RWDD3: variants seen among roughly 807,000 people sequenced by gnomAD.
RWDD3 encodes RWD domain containing 3, also known as RWD domain-containing protein 3.
RWDD3 carries 30 observed loss-of-function variants against 26.5 expected under a neutral mutation model. The observed-to-expected ratio is 1.13, with a 90% CI of 0.85 to 1.54. The LOEUF (loss-of-function observed/expected upper bound fraction) is 1.54, where lower values mean the gene tolerates loss of function less well. Ranked by LOEUF, RWDD3 falls within the 40% of genes most tolerant of loss-of-function variation. RWDD3 has a pLI of 0.00. For missense variants in RWDD3, 296 were observed against 309.1 expected (o/e 0.96, Z 0.32); for synonymous variants, 113 against 114.5 (o/e 0.99, Z 0.09).
At position 95,239,856 on chromosome 1, in the gene RWDD3, C is replaced by T. The variant is rs576832523; in HGVS notation, c.86-4355C>T. On this transcript the variant is annotated intron_variant, in intron 1 of 3. Coordinates refer to ENST00000370202, the MANE Select transcript of RWDD3 (RefSeq NM_015485.5). ...CTCAGTAGCTTTTCAAGACTTTCCC[C>T]CTGGACTACCAACATGTTTCTTTCC... is the stretch of plus-strand genomic sequence containing the variant. The T allele has an allele frequency of 3.0e-3, 3,818 of 1,289,686 alleles. 9 individuals carry two copies. Among genetic ancestry groups the T allele is most frequent in the Non-Finnish European group, 3.3e-3 (3,309 of 988,842 alleles). 79.9% of individuals were successfully genotyped at this position (1,289,686 alleles called of 1,614,324 possible).
At chr1:95,239,956 G>A (rs377451649) in intron 1 of RWDD3, 37 of 1,287,084 alleles carry the variant, frequency 2.9e-5, no homozygotes, top group African/African-American at 2.6e-4. Context: ...GGGTCTCAGG[G>A]TTTTGATCAG....
At chr1:95,235,792 A>G (rs1370088006) in intron 1 of RWDD3, among the ~76,000 whole-genome samples, 2 of 152,064 alleles carry the variant, frequency 1.3e-5, no homozygotes. Flanking sequence ...AGGAGCTTAC[A>G]GTGTAGAGAG....
At chr1:95,241,140 G>C (rs1484884101) in intron 1 of RWDD3, among the ~76,000 whole-genome samples, 1 of 151,894 alleles carries the variant, frequency 6.6e-6, no homozygotes, top group African/African-American at 2.4e-5. Flanking sequence ...ATAAAACAGT[G>C]AAAAAGAGCA....
chr1:95,242,060 C>A (rs1041556648), intron 1 of RWDD3, among the ~76,000 whole-genome samples: 1 of 152,212 alleles, frequency 6.6e-6, no homozygotes, highest in African/African-American at 2.4e-5. Flanking sequence ...CACCACCCCC[C>A]AGCCTTCTAA....
intron 2 of RWDD3, 132 bp downstream of exon 2, chr1:95,244,830 A>G (rs1227874176): frequency 2.0e-6 from 2 of 1,015,968 alleles, no homozygotes; most frequent in Non-Finnish European, 2.8e-6. Context: ...TACAATCTTA[A>G]TGGATCTTCC....
At chr1:95,241,598 C>G (rs1431794334) in intron 1 of RWDD3, among the ~76,000 whole-genome samples, 1 of 152,144 alleles carries the variant, frequency 6.6e-6, no homozygotes, top group African/African-American at 2.4e-5. Context: ...AGTCCTTGAA[C>G]AAAGATATTA....
At chr1:95,245,116 TA>T (rs1226345303) in intron 2 of RWDD3, among the ~76,000 whole-genome samples, 1 of 152,206 alleles carries the variant, frequency 6.6e-6, no homozygotes, top group Admixed American at 6.5e-5. Flanking sequence ...TTCTGGCTGT[TA>T]AAAATACATT....
intron 1 of RWDD3, among the ~76,000 whole-genome samples, chr1:95,242,075 G>A (rs1211579041): frequency 1.3e-5 from 2 of 152,126 alleles, no homozygotes; most frequent in Non-Finnish European, 2.9e-5. Context: ...TTCTAAGAAG[G>A]TTTGTGACTA....
chr1:95,242,534 A>G (rs1278231325), intron 1 of RWDD3, among the ~76,000 whole-genome samples: 1 of 152,262 alleles, frequency 6.6e-6, no homozygotes, highest in Non-Finnish European at 1.5e-5. Context: ...TGTTGTCTGC[A>G]GTTCTATTTG....
Position 95,247,071 on chromosome 1 carries a change from T to C in RWDD3, c.*201T>C, listed in dbSNP as rs1680879374. 2 of 358,970 alleles carry C rather than the reference T, an allele frequency of 5.6e-6. No individual in the cohort carries two copies. The highest frequency in any genetic ancestry group is 1.0e-5 in the Non-Finnish European group (2 of 200,746). The allele number at this position is 358,970 out of a possible 1,614,324, so 22.2% of individuals were successfully genotyped here. On this transcript the variant is annotated 3_prime_UTR_variant, in exon 4 of 4. Coordinates refer to ENST00000370202, the MANE Select transcript of RWDD3 (RefSeq NM_015485.5). The stretch of plus-strand genomic sequence containing the variant: ...AAGAAAACTTGTATATTCTAATGTT[T>C]GCCAGGAAAGGCTAGGTTCAGTAGA...
rs184253401 is a variant in RWDD3 at position 95,240,080 on chromosome 1, A to C, written c.86-4131A>C. On this transcript the variant is annotated intron_variant, in intron 1 of 3. Transcript: ENST00000370202. ...TATAGGGACCCTTGTGATTACATTC[A>C]GGGCTCACCTGGGTAATCCAGGATA... Among the ~76,000 whole-genome samples the C allele has an allele frequency of 1.7e-3, 256 of 152,310 alleles. 1 individual carries two copies. The highest frequency in any genetic ancestry group is 2.9e-3 in the Non-Finnish European group (196 of 68,030).
intron 1 of RWDD3, among the ~76,000 whole-genome samples, chr1:95,239,093 G>A (rs1680494567): frequency 6.6e-6 from 1 of 152,098 alleles, no homozygotes; most frequent in Non-Finnish European, 1.5e-5. Context: ...TTGGACTTAT[G>A]GAGATTTTAG....
rs1353098882 is a variant in RWDD3, at chr1:95,234,283, G to C, written c.53G>C (p.Arg18Thr). The C allele has an allele frequency of 1.9e-6, 3 of 1,599,040 alleles. No homozygotes were observed. The highest frequency in any genetic ancestry group is 1.1e-5 in the South Asian group (1 of 88,100). The change falls in exon 1 of 4, where the codon AGG becomes ACG. Residue 18 changes from arginine to threonine, a missense_variant. Physicochemically the swap from Arg to Thr is moderately conservative, Grantham distance 71. Coordinates refer to ENST00000370202, the MANE Select transcript of RWDD3 (RefSeq NM_015485.5). Reference protein sequence around the residue: ...ELSVLAAIFCRPHEWEVLSRS... With the variant: ...ELSVLAAIFCTPHEWEVLSRS... ...TCGGTCCTGGCCGCGATTTTCTGCA[G>C]GCCCCACGAGTGGGAGGTGCTGAGC...
Position 95,246,882 on chromosome 1 carries a change from G to T in RWDD3, c.*12G>T. 6.9e-7 allele frequency: 1 copy of T among 1,440,900 alleles called. No individual in the cohort carries two copies. Among genetic ancestry groups the T allele is most frequent in the Non-Finnish European group, 9.3e-7 (1 of 1,071,388 alleles). 89.3% of individuals were successfully genotyped at this position (1,440,900 alleles called of 1,614,324 possible). On this transcript the variant is annotated 3_prime_UTR_variant, in exon 4 of 4. Coordinates refer to ENST00000370202, the MANE Select transcript of RWDD3 (RefSeq NM_015485.5). ...CTCTGGTAAAATGAAATGGAAGACA[G>T]GAATCTTTTAGTAAAATAGCAGTGT...
At chr1:95,242,236 G>A (rs1024257873) in intron 1 of RWDD3, among the ~76,000 whole-genome samples, 2 of 152,188 alleles carry the variant, frequency 1.3e-5, no homozygotes, top group South Asian at 4.1e-4. Flanking sequence ...GCATATTTAT[G>A]AATAAAGAAA....
rs556689694 is a variant in RWDD3 at position 95,234,701 on chromosome 1, C to G, written c.85+386C>G. On this transcript the variant is annotated intron_variant, in intron 1 of 3. Coordinates refer to ENST00000370202, the MANE Select transcript of RWDD3 (RefSeq NM_015485.5). Reference sequence around the variant, plus strand: ...TCCTAAGCACTATGCCCTAGGCCCCCCCGAGAGCACTCCCCGGTTCTAACT... The same window carrying G: ...TCCTAAGCACTATGCCCTAGGCCCCGCCGAGAGCACTCCCCGGTTCTAACT... Among the ~76,000 whole-genome samples the G allele has an allele frequency of 4.6e-5, 7 of 151,848 alleles. No homozygotes were observed. The East Asian group carries it at 1.4e-3, about 30-fold the overall frequency.
chr1:95,239,909 G>A (rs1457919794), intron 1 of RWDD3: 28 of 1,289,644 alleles, frequency 2.2e-5, no homozygotes, highest in East Asian at 1.1e-4. Flanking sequence ...GAGAGGACCC[G>A]GTAGGTGTTT....
chr1:95,240,942 G>A (rs1019897361), intron 1 of RWDD3, among the ~76,000 whole-genome samples: 11 of 151,890 alleles, frequency 7.2e-5, no homozygotes, highest in East Asian at 3.9e-4. Flanking sequence ...AGGCTGAGGC[G>A]GGTGGATCAC....
At chr1:95,245,182 A>G (rs996716948) in intron 2 of RWDD3, among the ~76,000 whole-genome samples, 1 of 152,198 alleles carries the variant, frequency 6.6e-6, no homozygotes, top group South Asian at 2.1e-4. Flanking sequence ...TGTCTGTTAT[A>G]ACCGAGATTT....
Sources: gnomAD v4.1 joint callset for allele counts (sites outside exome capture counted in the v4.1 genomes callset) on GRCh38, gnomAD v4.1.1 for gene constraint, MANE v1.5 for transcripts, NCBI Gene and HGNC (gene_info 2026-07-23, HGNC 2026-07-21) for gene names.